Variants in STK3 observed in about 807,000 individuals in gnomAD.
The protein encoded by STK3 is serine/threonine kinase 3.
A neutral mutation model predicts 58.0 loss-of-function variants in STK3; 41 were observed. That is an observed-to-expected ratio of 0.71 (90% confidence interval 0.55 to 0.92). The LOEUF (loss-of-function observed/expected upper bound fraction) is 0.92, where lower values mean the gene tolerates loss of function less well. Ranked by LOEUF, STK3 falls within the 40% of genes least tolerant of loss-of-function variation. The pLI, the probability that STK3 is intolerant of heterozygous loss-of-function variation, is 0.00. For synonymous variants in STK3, 170 were observed against 191.0 expected, an observed-to-expected ratio of 0.89 and a Z score of 0.91; for missense variants, 479 against 602.7, an observed-to-expected ratio of 0.79 and a Z score of 2.15.
At chr8:98,665,714 T>A (rs1822293376) in intron 6 of STK3, among the ~76,000 whole-genome samples, 1 of 150,518 alleles carries the variant, frequency 6.6e-6, no homozygotes, top group Non-Finnish European at 1.5e-5. Context: ...CTGATTTTTT[T>A]TTTTTTTGAG....
At chr8:98,783,354 A>G (rs1033091254) in intron 1 of STK3, among the ~76,000 whole-genome samples, 11 of 152,230 alleles carry the variant, frequency 7.2e-5, no homozygotes, top group Non-Finnish European at 1.5e-4. Context: ...GATGATTGTT[A>G]TGCATTATAT....
At chr8:98,346,037 G>A in the STK3 span, among the ~76,000 whole-genome samples, 1 of 152,052 alleles carries the variant, frequency 6.6e-6, no homozygotes, top group Non-Finnish European at 1.5e-5. Flanking sequence ...TGTAATCCCA[G>A]CACTTTGGGA....
intron 6 of STK3, among the ~76,000 whole-genome samples, chr8:98,690,550 CACAA>C (rs1028970880): frequency 3.3e-5 from 5 of 151,484 alleles, no homozygotes; most frequent in African/African-American, 4.9e-5. Flanking sequence ...GCAGAGACGA[CACAA>C]ACAAATAGAA....
chr8:98,838,261 T>C (rs772829867), intron 3 of STK3, among the ~76,000 whole-genome samples: 13 of 152,052 alleles, frequency 8.5e-5, no homozygotes, highest in Non-Finnish European at 1.8e-4. Context: ...AGTTAAAAAA[T>C]ATATAAGAAA....
intron 3 of STK3, among the ~76,000 whole-genome samples, chr8:98,831,187 G>A (rs1587722314): frequency 1.3e-5 from 2 of 152,064 alleles, no homozygotes; most frequent in Admixed American, 1.3e-4. Flanking sequence ...AACTGAATAC[G>A]TACACCACCA....
At chr8:98,818,516 A>AGCT (rs1834689609) in intron 1 of STK3, among the ~76,000 whole-genome samples, 1 of 151,560 alleles carries the variant, frequency 6.6e-6, no homozygotes. Flanking sequence ...CAAGAAAATT[A>AGCT]GCTGCCAATT....
At chr8:98,779,874 CAATG>C (rs750252961) in intron 1 of STK3, among the ~76,000 whole-genome samples, 5,172 of 150,798 alleles carry the variant, frequency 0.034, 151 homozygotes, top group African/African-American at 0.08. Context: ...ATATATAAGT[CAATG>C]AATGAATGAA....
At chr8:98,366,050 G>T in the STK3 span, among the ~76,000 whole-genome samples, 1 of 152,140 alleles carries the variant, frequency 6.6e-6, no homozygotes, top group African/African-American at 2.4e-5. Flanking sequence ...ATGGGTACAA[G>T]TGTTTGCAAT....
At chr8:98,573,923 G>A (rs545566335) in intron 8 of STK3, among the ~76,000 whole-genome samples, 1 of 152,038 alleles carries the variant, frequency 6.6e-6, no homozygotes, top group Non-Finnish European at 1.5e-5. Flanking sequence ...GGAGAGAGAA[G>A]CGCCGAGCAA....
At chr8:98,566,056 T>C (rs888055045) in intron 8 of STK3, among the ~76,000 whole-genome samples, 1 of 152,200 alleles carries the variant, frequency 6.6e-6, no homozygotes, top group African/African-American at 2.4e-5. Flanking sequence ...TAGAAATCTG[T>C]ACAATTACCT....
chr8:98,433,959 A>T (rs774261499), intron 3 of STK3, among the ~76,000 whole-genome samples: 4 of 152,248 alleles, frequency 2.6e-5, no homozygotes, highest in Non-Finnish European at 4.4e-5. Flanking sequence ...GGCAGAGGAA[A>T]ATCAATAAGA....
intron 6 of STK3, among the ~76,000 whole-genome samples, chr8:98,641,167 G>A (rs868651638): frequency 3.9e-5 from 6 of 152,148 alleles, no homozygotes; most frequent in Middle Eastern, 3.4e-3. Flanking sequence ...CAATGTTTAA[G>A]GATTAATTAA....
intron 3 of STK3, among the ~76,000 whole-genome samples, chr8:98,395,007 T>A: frequency 6.6e-6 from 1 of 152,230 alleles, no homozygotes; most frequent in East Asian, 1.9e-4. Context: ...GGAGGCTTTG[T>A]GTTCCAGATG....
chr8:98,369,992 G>GGTGA (rs1348521849), downstream of STK3, among the ~76,000 whole-genome samples: 8 of 151,926 alleles, frequency 5.3e-5, no homozygotes, highest in Admixed American at 6.5e-5. Flanking sequence ...GCTAAAGGAA[G>GGTGA]GTGAGCCCAG....
the STK3 span, among the ~76,000 whole-genome samples, chr8:98,359,531 A>AG: frequency 7.0e-6 from 1 of 143,808 alleles, no homozygotes; most frequent in Non-Finnish European, 1.5e-5. Flanking sequence ...TCAAAAAAAA[A>AG]AAAAAGAAAG....
chr8:98,526,758 T>C lies in STK3; in HGVS notation c.1301A>G (p.Asp434Gly), dbSNP rs775921874. 4.0e-5 allele frequency: 63 copies of C among 1,570,288 alleles called. No individual in the cohort carries two copies. The highest frequency in any genetic ancestry group is 5.2e-5 in the Non-Finnish European group (60 of 1,157,814). ...TGTACTTACAAAGTCAAAGTCTCCA[T>C]CTTGAGGAACTTTCCAGTTATCAGG... is the stretch of plus-strand genomic sequence containing the variant. ...VFPDNWKVPQ[D>G]GDFDFLKNLS... The change falls in exon 10 of 11, where the codon GAT becomes GGT. Residue 434 changes from aspartate (D) to glycine (G), a missense_variant. Coordinates refer to ENST00000419617, the MANE Select transcript of STK3 (RefSeq NM_006281.4).
intron 6 of STK3, among the ~76,000 whole-genome samples, chr8:98,663,112 T>A (rs943463245): frequency 1.3e-5 from 2 of 151,832 alleles, no homozygotes; most frequent in Non-Finnish European, 2.9e-5. Flanking sequence ...ACGGGAAAAA[T>A]TTTTGCAATC....
intron 1 of STK3, chr8:98,905,044 C>T: frequency 1.1e-6 from 1 of 942,378 alleles, no homozygotes; most frequent in Non-Finnish European, 1.7e-6. Context: ...TACCTGGATT[C>T]CCCATAGCCC....
chr8:98,467,566 G>C (rs1486097052), intron 10 of STK3, among the ~76,000 whole-genome samples: 1 of 151,850 alleles, frequency 6.6e-6, no homozygotes, highest in Non-Finnish European at 1.5e-5. Context: ...GTGTGTGTGT[G>C]TGTGTGTGTG....
Sources: allele counts gnomAD v4.1 joint callset (sites outside exome capture counted in the v4.1 genomes callset), GRCh38; gene constraint gnomAD v4.1.1; transcripts MANE v1.5; gene names NCBI Gene and HGNC (gene_info 2026-07-23, HGNC 2026-07-21).